The following CD226 variants were observed in gnomAD, a reference collection of about 807,000 sequenced individuals.
CD226 encodes CD226 molecule, also known as CD226 antigen.
CD226 carries 24 observed loss-of-function variants against 34.9 expected under a neutral mutation model. The ratio of observed to expected loss-of-function variants is 0.69; its 90% CI spans 0.50 to 0.97. The LOEUF (loss-of-function observed/expected upper bound fraction) is 0.97. Ranked by LOEUF, CD226 falls within the 50% of genes least tolerant of loss-of-function variation. CD226 has a pLI of 0.00. For missense variants in CD226, 397 were observed against 412.7 expected, an observed-to-expected ratio of 0.96 and a Z score of 0.33; for synonymous variants, 148 against 147.4, an observed-to-expected ratio of 1.00 and a Z score of -0.03.
intron 3 of CD226, among the ~76,000 whole-genome samples, chr18:69,874,905 G>A (rs1282435399): frequency 6.6e-6 from 1 of 152,062 alleles, no homozygotes; most frequent in Non-Finnish European, 1.5e-5. Flanking sequence ...CACATGATAT[G>A]ATTTCCTTCT....
chr18:69,911,966 G>A (rs2055331099), intron 2 of CD226, among the ~76,000 whole-genome samples: 1 of 152,130 alleles, frequency 6.6e-6, no homozygotes. Context: ...GCTGAATACA[G>A]TAAATCTTCA....
chr18:69,877,001 T>C (rs1453163784), intron 3 of CD226, among the ~76,000 whole-genome samples: 3 of 151,488 alleles, frequency 2.0e-5, no homozygotes, highest in Non-Finnish European at 4.4e-5. Flanking sequence ...GTAGCTGGGA[T>C]TACAGGCACC....
intron 2 of CD226, among the ~76,000 whole-genome samples, chr18:69,931,582 C>G (rs571713586): frequency 6.6e-6 from 1 of 152,020 alleles, no homozygotes; most frequent in African/African-American, 2.4e-5. Context: ...GTAGAGAGAC[C>G]GACAGAACCA....
intron 3 of CD226, among the ~76,000 whole-genome samples, chr18:69,879,389 C>T (rs907624195): frequency 5.3e-5 from 8 of 152,130 alleles, no homozygotes; most frequent in East Asian, 1.9e-4. Context: ...CTCCTCCCCC[C>T]AGGAAAGCAT....
Position 69,873,212 on chromosome 18 carries a change from A to C in CD226, c.762T>G (p.Ala254=). The C allele has an allele frequency of 6.2e-7, 1 of 1,608,520 alleles. No homozygotes were observed. Among genetic ancestry groups the C allele is most frequent in the Non-Finnish European group, 8.5e-7 (1 of 1,175,034 alleles). Residue 254 remains alanine (A), a synonymous_variant, in exon 4 of 6, where the codon GCT becomes GCG. Transcript: ENST00000582621. The part of the protein sequence containing the change: ...KTDNQYTLFV[A]GGTVLLLLFV... ...ACAACAACAATAAAACTGTCCCTCC[A>C]GCCACAAAGAGGGTATATTGGTTAT... is the stretch of plus-strand genomic sequence containing the variant.
chr18:69,868,876 C>G (rs888182929), intron 4 of CD226, among the ~76,000 whole-genome samples: 1 of 152,000 alleles, frequency 6.6e-6, no homozygotes, highest in African/African-American at 2.4e-5. Flanking sequence ...TGTGATGAAA[C>G]AAAAGAGAAC....
chr18:69,869,075 G>A (rs531408643), intron 4 of CD226, among the ~76,000 whole-genome samples: 2 of 152,258 alleles, frequency 1.3e-5, no homozygotes, highest in East Asian at 1.9e-4. Flanking sequence ...ATTAGTTCAG[G>A]CATTGTGGAA....
intron 2 of CD226, among the ~76,000 whole-genome samples, chr18:69,936,299 T>C (rs1459534451): frequency 1.3e-5 from 2 of 152,206 alleles, no homozygotes; most frequent in Non-Finnish European, 2.9e-5. Flanking sequence ...GTGACATGTG[T>C]TCTTGTGCCT....
At position 69,870,567 on chromosome 18, in the gene CD226, G is replaced by C. The variant is rs532592321; in HGVS notation, c.830+2577C>G. Among the ~76,000 whole-genome samples, 409 of 152,254 alleles carry C rather than the reference G, an allele frequency of 2.7e-3. 3 individuals are homozygous for C. The highest frequency in any genetic ancestry group is 9.1e-3 in the African/African-American group (380 of 41,548). On this transcript the variant is annotated intron_variant, in intron 4 of 5. Transcript: ENST00000582621. ...TGGGATTACAGGCGTGAGCCACCAT[G>C]CCTGGCCATATTTTGGCTCCTTTCA...
intron 2 of CD226, among the ~76,000 whole-genome samples, chr18:69,936,544 C>T (rs944064675): frequency 1.3e-5 from 2 of 152,048 alleles, no homozygotes; most frequent in East Asian, 3.8e-4. Context: ...TGCTTCATCC[C>T]TTGTGGATTC....
rs1027632106 is a variant in CD226 at position 69,873,821 on chromosome 18, G to T, written c.728-575C>A. On this transcript the variant is annotated intron_variant, in intron 3 of 5. Transcript: ENST00000582621. Reference sequence around the variant, plus strand: ...CAGAGGCGGAGCTTGCAGTGAGCCCGGATCTTGCCACTGCACTCCAGCCTG... The same window carrying T: ...CAGAGGCGGAGCTTGCAGTGAGCCCTGATCTTGCCACTGCACTCCAGCCTG... 5.9e-5 allele frequency among the ~76,000 whole-genome samples: 9 copies of T among 152,004 alleles called. No homozygotes were observed. The East Asian group carries it at 1.7e-3, about 29-fold the overall frequency.
chr18:69,891,035 C>T lies in CD226; in HGVS notation c.727+4666G>A, dbSNP rs1361732712. 8.3e-5 allele frequency among the ~76,000 whole-genome samples: 9 copies of T among 108,040 alleles called. No individual in the cohort carries two copies. In the South Asian group the frequency reaches 2.7e-3, roughly 32 times the overall value. 70.9% of individuals were successfully genotyped at this position (108,040 alleles called of 152,430 possible). On this transcript the variant is annotated intron_variant, in intron 3 of 5. Transcript: ENST00000582621. ...GACACCACAAAAAAAAAAAAAAAAC[C>T]TACAGGCTGACATCCCTAATGAACA...
At chr18:69,913,271 A>C (rs1360217568) in intron 2 of CD226, among the ~76,000 whole-genome samples, 1 of 152,226 alleles carries the variant, frequency 6.6e-6, no homozygotes, top group Non-Finnish European at 1.5e-5. Flanking sequence ...TGAACGTGGA[A>C]ACATTTTAGA....
intron 3 of CD226, among the ~76,000 whole-genome samples, chr18:69,885,112 C>T (rs1273540004): frequency 6.6e-6 from 1 of 152,024 alleles, no homozygotes; most frequent in Non-Finnish European, 1.5e-5. Context: ...TTATGCTTAT[C>T]CTCAGGAAAT....
rs993271564 is a variant in CD226, at chr18:69,853,561, C to T, written c.*10753G>A. 4 of 152,216 alleles carry T rather than the reference C, an allele frequency of 2.6e-5. No homozygotes were observed. Among genetic ancestry groups the T allele is most frequent in the African/African-American group, 7.2e-5 (3 of 41,446 alleles). The allele number at this position is 152,216 out of a possible 1,614,324, so 9.4% of individuals were successfully genotyped here. A position where few individuals can be genotyped will look rare whatever the true frequency, so the allele number is the denominator to read the frequency against. On this transcript the variant is annotated 3_prime_UTR_variant, in exon 6 of 6. Coordinates refer to ENST00000582621, the MANE Select transcript of CD226 (RefSeq NM_001303618.2). ...CCTTAAAATGAATTAATATTGAACA[C>T]ATATGATGAGTGAAACACCACCATG... is the stretch of plus-strand genomic sequence containing the variant.
intron 2 of CD226, among the ~76,000 whole-genome samples, chr18:69,930,185 G>A (rs1441487691): frequency 6.6e-6 from 1 of 152,110 alleles, no homozygotes; most frequent in African/African-American, 2.4e-5. Flanking sequence ...ATACAAAGAG[G>A]TAAAAGATGA....
chr18:69,900,593 G>C (rs1377954585), intron 2 of CD226, among the ~76,000 whole-genome samples: 1 of 150,842 alleles, frequency 6.6e-6, no homozygotes, highest in Admixed American at 6.6e-5. Flanking sequence ...TTAGCCGGGC[G>C]CGGTGGCGGG....
At chr18:69,917,163 G>T (rs1386470634) in intron 2 of CD226, among the ~76,000 whole-genome samples, 6 of 152,062 alleles carry the variant, frequency 3.9e-5, no homozygotes, top group Non-Finnish European at 7.4e-5. Flanking sequence ...AACAGATCTG[G>T]CCCTATTAGT....
At chr18:69,955,609 T>C (rs990755023) in intron 1 of CD226, among the ~76,000 whole-genome samples, 1 of 152,092 alleles carries the variant, frequency 6.6e-6, no homozygotes, top group Admixed American at 6.5e-5. Context: ...GGCTCACGCC[T>C]GTAATCCCAA....
Sources: gnomAD v4.1 joint callset for allele counts (sites outside exome capture counted in the v4.1 genomes callset) on GRCh38, gnomAD v4.1.1 for gene constraint, MANE v1.5 for transcripts, NCBI Gene and HGNC (gene_info 2026-07-23, HGNC 2026-07-21) for gene names.